The following C14orf180 variants were observed in gnomAD, a reference collection of about 807,000 sequenced individuals.
The protein encoded by C14orf180 is chromosome 14 open reading frame 180.
C14orf180 carries 13 observed loss-of-function variants against 13.9 expected under a neutral mutation model. The observed-to-expected ratio is 0.94, with a 90% CI of 0.61 to 1.49. The LOEUF (loss-of-function observed/expected upper bound fraction) is 1.49, where lower values mean the gene tolerates loss of function less well. Among genes scored for constraint, C14orf180 ranks in the 40% most tolerant of loss-of-function variants. C14orf180 has a pLI of 0.00. For missense variants in C14orf180, 238 were observed against 232.0 expected, an observed-to-expected ratio of 1.03 and a Z score of -0.17; for synonymous variants, 113 against 106.3, an observed-to-expected ratio of 1.06 and a Z score of -0.39.
In C14orf180 at chr14:104,587,793, GC is replaced by G; in HGVS notation, c.158del (p.Pro53ArgfsTer25). On this transcript the variant is annotated frameshift_variant, in exon 3 of 5. Coordinates refer to ENST00000557649, the MANE Select transcript of C14orf180 (RefSeq NM_001008404.3). LOFTEE classifies it high-confidence loss of function. ...CCCCCTCCATCCTGAAACGGAGCCGGCCGGAGCACCACCGCCCAGAGGCCAA... is the reference window on the plus strand; with the variant it reads ...CCCCCTCCATCCTGAAACGGAGCCGGCGGAGCACCACCGCCCAGAGGCCAA... ...CPPSILKRSRPEHHRPEAKPQ... is the reference protein window; with the variant it reads ...CPPSILKRSRXEHHRPEAKPQ... 6.2e-7 allele frequency: 1 copy of G among 1,612,638 alleles called. No homozygotes were observed. The highest frequency in any genetic ancestry group is 8.5e-7 in the Non-Finnish European group (1 of 1,179,632).
intron 2 of C14orf180, 63 bp downstream of exon 2, chr14:104,586,604 C>A (rs1886635351): frequency 9.8e-7 from 1 of 1,025,414 alleles, no homozygotes; most frequent in Non-Finnish European, 1.4e-6. Flanking sequence ...CTGGAGGGGG[C>A]AGGGAGCAAC....
intron 2 of C14orf180, among the ~76,000 whole-genome samples, chr14:104,587,248 C>T (rs1201847637): frequency 6.6e-6 from 1 of 152,132 alleles, no homozygotes; most frequent in Non-Finnish European, 1.5e-5. Context: ...CCCAGGTAGG[C>T]AAATGTGTAG....
chr14:104,583,452 T>A (rs570244513), intron 1 of C14orf180, among the ~76,000 whole-genome samples: 2 of 152,328 alleles, frequency 1.3e-5, no homozygotes, highest in South Asian at 4.1e-4. Flanking sequence ...GTCTGTGCAC[T>A]GACTCCCACC....
chr14:104,583,147 A>ACCGC (rs1427060951), intron 1 of C14orf180, among the ~76,000 whole-genome samples: 1 of 151,838 alleles, frequency 6.6e-6, no homozygotes, highest in Non-Finnish European at 1.5e-5. Flanking sequence ...TGGAGAGGGG[A>ACCGC]CCGCGGAGCT....
rs945740361 is a variant in C14orf180 at position 104,590,139 on chromosome 14, T to G, written c.*1356T>G. 1.3e-5 allele frequency: 2 copies of G among 152,208 alleles called. No individual in the cohort carries two copies. Among genetic ancestry groups the G allele is most frequent in the African/African-American group, 4.8e-5 (2 of 41,416 alleles). 9.4% of individuals were successfully genotyped at this position (152,208 alleles called of 1,614,324 possible). ...CTTTGGAATCCAGGGAGCCCAGAGTTGCGGGTGGAGGTAACAAAAGGGGCT... is the reference window on the plus strand; with the variant it reads ...CTTTGGAATCCAGGGAGCCCAGAGTGGCGGGTGGAGGTAACAAAAGGGGCT... On this transcript the variant is annotated 3_prime_UTR_variant, in exon 5 of 5. Transcript: ENST00000557649.
chr14:104,588,917 C>T lies in C14orf180; in HGVS notation c.*134C>T, dbSNP rs1440333009. The T allele has an allele frequency of 1.0e-5, 15 of 1,450,242 alleles. No homozygotes were observed. The highest frequency in any genetic ancestry group is 1.4e-5 in the Non-Finnish European group (15 of 1,102,988). The allele number at this position is 1,450,242 out of a possible 1,614,324, so 89.8% of individuals were successfully genotyped here. A position where few individuals can be genotyped will look rare whatever the true frequency, so the allele number is the denominator to read the frequency against. ...AAAGGGGCTGCTGCCTGAGGGCTAA[C>T]TAGGAAAAGGGGGACCCCGTGGCGT... On this transcript the variant is annotated 3_prime_UTR_variant, in exon 5 of 5. Coordinates refer to ENST00000557649, the MANE Select transcript of C14orf180 (RefSeq NM_001008404.3).
intron 1 of C14orf180, among the ~76,000 whole-genome samples, chr14:104,585,481 G>C (rs1423950449): frequency 6.6e-6 from 1 of 152,170 alleles, no homozygotes; most frequent in East Asian, 1.9e-4. Flanking sequence ...ATTCACACTT[G>C]GGGGGCTCCA....
At position 104,587,823 on chromosome 14, in the gene C14orf180, C is replaced by T. The variant is rs1292518260; in HGVS notation, c.186C>T (p.Pro62=). ...AGCACCACCGCCCAGAGGCCAAGCCCCAGAGGACCTCGAGGCGCGTGTGGT... is the reference window on the plus strand; with the variant it reads ...AGCACCACCGCCCAGAGGCCAAGCCTCAGAGGACCTCGAGGCGCGTGTGGT... ...RPEHHRPEAK[P]QRTSRRVWFR... Residue 62 remains proline, a synonymous_variant, in exon 3 of 5, where the codon CCC becomes CCT. Transcript: ENST00000557649. The T allele has an allele frequency of 3.1e-6, 5 of 1,612,330 alleles. 1 individual carries two copies. The highest frequency in any genetic ancestry group is 1.1e-5 in the South Asian group (1 of 90,714).
chr14:104,588,298 C>A lies in C14orf180; in HGVS notation c.266C>A (p.Ala89Asp). 1 of 1,614,066 alleles carries A rather than the reference C, an allele frequency of 6.2e-7. No individual in the cohort carries two copies. Among genetic ancestry groups the A allele is most frequent in the Non-Finnish European group, 8.5e-7 (1 of 1,180,004 alleles). The change falls in exon 4 of 5, where the codon GCC becomes GAC. Residue 89 changes from alanine to aspartate, a missense_variant. By Grantham distance (126) the Ala-to-Asp change is moderately radical. Transcript: ENST00000557649. Reference sequence around the variant, plus strand: ...GACATTGCTGACAAGAACGCCACAGCCACTGTCAGGGGTGAGTTCTGAGCC... The same window carrying A: ...GACATTGCTGACAAGAACGCCACAGACACTGTCAGGGGTGAGTTCTGAGCC... ...VHYIADKNAT[A>D]TVRVPGRPRP... is the part of the protein sequence containing the mutation.
At chr14:104,580,576 A>G (rs980006549) in intron 1 of C14orf180, among the ~76,000 whole-genome samples, 11 of 152,214 alleles carry the variant, frequency 7.2e-5, no homozygotes, top group Admixed American at 7.2e-4. Flanking sequence ...GGGCAAGTCT[A>G]CGCAGGCCCA....
intron 1 of C14orf180, among the ~76,000 whole-genome samples, chr14:104,582,803 C>G (rs1363863465): frequency 6.6e-6 from 1 of 152,192 alleles, no homozygotes; most frequent in Admixed American, 6.5e-5. Context: ...GGGACACTTA[C>G]AGGTCCAGGC....
chr14:104,580,562 C>G (rs1164457071), intron 1 of C14orf180, among the ~76,000 whole-genome samples: 1 of 152,192 alleles, frequency 6.6e-6, no homozygotes, highest in East Asian at 1.9e-4. Context: ...GGGGCATCCT[C>G]CGAGGGCAAG....
intron 1 of C14orf180, among the ~76,000 whole-genome samples, chr14:104,580,743 G>A (rs1363427092): frequency 3.5e-5 from 5 of 144,926 alleles, no homozygotes; most frequent in Non-Finnish European, 5.9e-5. Context: ...TGGACGCCAC[G>A]CCATTTCTTG....
intron 4 of C14orf180, 94 bp from the exon 5 acceptor site, chr14:104,588,484 G>A: frequency 2.8e-6 from 4 of 1,438,460 alleles, no homozygotes; most frequent in Non-Finnish European, 3.7e-6. Context: ...GGCATGGACA[G>A]GGTGGAATCT....
At chr14:104,587,096 G>C (rs1159287165) in intron 2 of C14orf180, among the ~76,000 whole-genome samples, 1 of 152,180 alleles carries the variant, frequency 6.6e-6, no homozygotes, top group Non-Finnish European at 1.5e-5. Flanking sequence ...CTCAGAGCTG[G>C]CCCGGCTCCC....
At chr14:104,580,716 G>T (rs1246453729) in intron 1 of C14orf180, among the ~76,000 whole-genome samples, 1 of 146,900 alleles carries the variant, frequency 6.8e-6, no homozygotes, top group Non-Finnish European at 1.5e-5. Context: ...TGTGGCCATG[G>T]GACCCCCACC....
Position 104,587,769 on chromosome 14 carries a change from C to G in C14orf180, c.132C>G (p.Pro44=). ...ACCAGGAGGACAACAGGAAGTGCCC[C>G]CCCTCCATCCTGAAACGGAGCCGGC... ...RAEREDNRKC[P]PSILKRSRPE... is the part of the protein sequence containing the mutation. The change falls in exon 3 of 5, where the codon CCC becomes CCG. Residue 44 remains proline, a synonymous_variant. Transcript: ENST00000557649. 2 of 1,612,600 alleles carry G rather than the reference C, an allele frequency of 1.2e-6. No individual in the cohort carries two copies. Among genetic ancestry groups the G allele is most frequent in the South Asian group, 2.2e-5 (2 of 90,870 alleles).
intron 1 of C14orf180, among the ~76,000 whole-genome samples, chr14:104,580,413 C>A (rs927130590): frequency 6.6e-6 from 1 of 152,210 alleles, no homozygotes; most frequent in Admixed American, 6.5e-5. Context: ...GTGCTCCTGG[C>A]CACACAGGAG....
intron 2 of C14orf180, 110 bp from the exon 3 acceptor site, chr14:104,587,639 G>C: frequency 3.5e-6 from 4 of 1,152,308 alleles, no homozygotes; most frequent in Non-Finnish European, 3.7e-6. Context: ...CACCAGCCAG[G>C]ACAGGGTACA....
Sources: allele counts gnomAD v4.1 joint callset (sites outside exome capture counted in the v4.1 genomes callset), GRCh38; gene constraint gnomAD v4.1.1; transcripts MANE v1.5; gene names NCBI Gene and HGNC (gene_info 2026-07-23, HGNC 2026-07-21).